The following PARD3B variants were observed in gnomAD, a reference collection of about 807,000 sequenced individuals.
The protein encoded by PARD3B is partitioning defective 3 homolog B.
A neutral mutation model predicts 130.2 loss-of-function variants in PARD3B; 103 were observed. The ratio of observed to expected loss-of-function variants is 0.79; its 90% CI spans 0.67 to 0.93. The LOEUF is 0.93. Among genes scored for constraint, PARD3B ranks in the 40% least tolerant of loss-of-function variants. The pLI is 0.00. For missense variants in PARD3B, 1,609 were observed against 1,499.2 expected, an observed-to-expected ratio of 1.07 and a Z score of -1.21; for synonymous variants, 583 against 553.2, an observed-to-expected ratio of 1.05 and a Z score of -0.76.
chr2:204,905,231 G>C (rs915224221), intron 2 of PARD3B, among the ~76,000 whole-genome samples: 2 of 152,120 alleles, frequency 1.3e-5, no homozygotes, highest in African/African-American at 4.8e-5. Flanking sequence ...TCAGAAAGAG[G>C]CATCTTGGAG....
At chr2:204,640,519 G>C (rs1282261564) in intron 1 of PARD3B, among the ~76,000 whole-genome samples, 2 of 152,306 alleles carry the variant, frequency 1.3e-5, no homozygotes, top group African/African-American at 2.4e-5. Context: ...CAGCATTCTG[G>C]TAACTGTTCC....
chr2:204,634,031 T>C (rs2034786358), intron 1 of PARD3B, among the ~76,000 whole-genome samples: 1 of 152,138 alleles, frequency 6.6e-6, no homozygotes, highest in Non-Finnish European at 1.5e-5. Flanking sequence ...GTACAGCTAT[T>C]ATTGACTATA....
At chr2:204,982,075 G>A (rs1692716032) in intron 3 of PARD3B, among the ~76,000 whole-genome samples, 2 of 152,060 alleles carry the variant, frequency 1.3e-5, no homozygotes, top group Admixed American at 6.5e-5. Flanking sequence ...ACAACTTCTG[G>A]TAAGTTGAGC....
At chr2:204,893,159 C>T (rs1043140706) in intron 2 of PARD3B, among the ~76,000 whole-genome samples, 1 of 151,924 alleles carries the variant, frequency 6.6e-6, no homozygotes, top group Non-Finnish European at 1.5e-5. Flanking sequence ...TCTAAGCACC[C>T]AAATGAAGAA....
At chr2:205,599,642 A>C (rs1158568750) in intron 22 of PARD3B, among the ~76,000 whole-genome samples, 1 of 152,118 alleles carries the variant, frequency 6.6e-6, no homozygotes, top group Non-Finnish European at 1.5e-5. Flanking sequence ...AATTTCGACC[A>C]TTTACATTAA....
rs766692626 is a variant in PARD3B at position 205,011,664 on chromosome 2, C to T, written c.395-35917C>T. ...TGGACTTCTTTTCTCAATTATTTTC[C>T]GCAGAGAAAGACTCCTCTCCATGTG... On this transcript the variant is annotated intron_variant, in intron 3 of 22. Transcript: ENST00000406610. The surrounding 1 kb of genome is among the most constrained non-coding windows in gnomAD (Gnocchi z 4.1). Among the ~76,000 whole-genome samples, 6 of 152,190 alleles carry T rather than the reference C, an allele frequency of 3.9e-5. No homozygotes were observed. Among genetic ancestry groups the T allele is most frequent in the Admixed American group, 1.3e-4 (2 of 15,286 alleles).
At chr2:205,373,309 G>A (rs1368041147) in intron 18 of PARD3B, among the ~76,000 whole-genome samples, 1 of 152,168 alleles carries the variant, frequency 6.6e-6, no homozygotes, top group African/African-American at 2.4e-5. Flanking sequence ...TCTGATCCTA[G>A]GTGTAGTCAC....
intron 4 of PARD3B, among the ~76,000 whole-genome samples, chr2:205,062,439 C>T (rs578111057): frequency 2.0e-4 from 30 of 152,178 alleles, no homozygotes; most frequent in African/African-American, 6.5e-4. Context: ...GTTCCTGCTC[C>T]CCGCTCCCAC....
chr2:204,986,940 T>C (rs540090214), intron 3 of PARD3B, among the ~76,000 whole-genome samples: 16 of 152,344 alleles, frequency 1.1e-4, no homozygotes, highest in Admixed American at 7.8e-4. Context: ...TGAGGTATTT[T>C]TCATTACCAG....
At chr2:205,324,593 G>GA (rs2042873922) in intron 18 of PARD3B, among the ~76,000 whole-genome samples, 1 of 152,032 alleles carries the variant, frequency 6.6e-6, no homozygotes, top group East Asian at 1.9e-4. Context: ...TTTCCACCTA[G>GA]ATCACTTCCT....
chr2:205,517,483 G>A (rs1031316848), intron 21 of PARD3B, among the ~76,000 whole-genome samples: 4 of 151,774 alleles, frequency 2.6e-5, no homozygotes, highest in African/African-American at 4.8e-5. Flanking sequence ...TTCTTTATTA[G>A]TCTAGCTACC....
intron 3 of PARD3B, among the ~76,000 whole-genome samples, chr2:205,030,239 G>A (rs1174988170): frequency 6.6e-6 from 1 of 152,062 alleles, no homozygotes; most frequent in African/African-American, 2.4e-5. Flanking sequence ...AGCTTTACCT[G>A]GAACCCATAA....
chr2:204,808,665 G>T (rs1000914764), intron 2 of PARD3B, among the ~76,000 whole-genome samples: 7 of 151,992 alleles, frequency 4.6e-5, no homozygotes, highest in Admixed American at 1.3e-4. Context: ...ACATGATCTT[G>T]TTCTTTTTGA....
intron 18 of PARD3B, among the ~76,000 whole-genome samples, chr2:205,394,356 A>G (rs2045954847): frequency 6.6e-6 from 1 of 152,134 alleles, no homozygotes; most frequent in Admixed American, 6.6e-5. Flanking sequence ...ATGCTGCATC[A>G]CATTAACTGA....
intron 18 of PARD3B, among the ~76,000 whole-genome samples, chr2:205,342,087 C>T (rs2043562851): frequency 6.6e-6 from 1 of 152,048 alleles, no homozygotes; most frequent in Non-Finnish European, 1.5e-5. Flanking sequence ...TATCCTCAGC[C>T]TCTAGCACAG....
rs1267428971 is a variant in PARD3B at position 205,281,612 on chromosome 2, T to C, written c.2186-18918T>C. ...ACATGCCTCACATCATAGACTGATT[T>C]GTACAAAATATAGTAAAAACTTTCC... On this transcript the variant is annotated intron_variant, in intron 16 of 22. Coordinates refer to ENST00000406610, the MANE Select transcript of PARD3B (RefSeq NM_001302769.2). This position sits in a 1 kb window ranked among gnomAD's most constrained non-coding sequence, Gnocchi z 4.2. Among the ~76,000 whole-genome samples, 3 of 152,230 alleles carry C rather than the reference T, an allele frequency of 2.0e-5. No homozygotes were observed. The highest frequency in any genetic ancestry group is 4.4e-5 in the Non-Finnish European group (3 of 68,038).
At position 204,562,572 on chromosome 2, in the gene PARD3B, G is replaced by A. The variant is rs575346000; in HGVS notation, c.120+16453G>A. Among the ~76,000 whole-genome samples the A allele has an allele frequency of 3.9e-5, 6 of 152,306 alleles. No individual in the cohort carries two copies. The East Asian group carries it at 1.2e-3, about 29-fold the overall frequency. On this transcript the variant is annotated intron_variant, in intron 1 of 22. Coordinates refer to ENST00000406610, the MANE Select transcript of PARD3B (RefSeq NM_001302769.2). Reference sequence around the variant, plus strand: ...TTATAAAATCTTCGAGAAACTGAAAGAGTTTTACTTGTCATCTTGTTTTTC... The same window carrying A: ...TTATAAAATCTTCGAGAAACTGAAAAAGTTTTACTTGTCATCTTGTTTTTC...
At chr2:204,988,978 G>C (rs1199963939) in intron 3 of PARD3B, among the ~76,000 whole-genome samples, 6 of 152,212 alleles carry the variant, frequency 3.9e-5, no homozygotes, top group African/African-American at 1.4e-4. Context: ...ATCAGGTACT[G>C]TTCATGTTCT....
At chr2:204,573,087 TG>T (rs1172413295) in intron 1 of PARD3B, among the ~76,000 whole-genome samples, 17 of 152,328 alleles carry the variant, frequency 1.1e-4, no homozygotes, top group African/African-American at 3.6e-4. Context: ...ACTTGGCTGG[TG>T]GCTATACCAT....
Sources: gnomAD v4.1 joint callset for allele counts (sites outside exome capture counted in the v4.1 genomes callset) on GRCh38, gnomAD v4.1.1 for gene constraint, Gnocchi (gnomAD v3.1) non-coding constraint, MANE v1.5 for transcripts, NCBI Gene and HGNC (gene_info 2026-07-23, HGNC 2026-07-21) for gene names.